Variants in C12orf42 observed in about 807,000 individuals in gnomAD.
C12orf42 encodes the protein uncharacterized protein C12orf42.
Under a neutral mutation model 21.6 loss-of-function variants are expected in C12orf42, and 25 were observed. The observed-to-expected ratio is 1.16, with a 90% CI of 0.84 to 1.62. The LOEUF is 1.62. Ranked by LOEUF, C12orf42 falls within the 40% of genes most tolerant of loss-of-function variation. C12orf42 has a pLI of 0.00. For missense variants in C12orf42, 483 were observed against 459.3 expected (o/e 1.05, Z -0.47); for synonymous variants, 174 against 175.0 (o/e 0.99, Z 0.05).
the C12orf42 span, among the ~76,000 whole-genome samples, chr12:103,224,580 C>T: frequency 3.5e-4 from 53 of 149,598 alleles, no homozygotes; most frequent in African/African-American, 1.3e-3. Context: ...AAGTCTGGGC[C>T]AGGAACAATG....
the C12orf42 span, among the ~76,000 whole-genome samples, chr12:103,156,747 TA>T: frequency 1.3e-5 from 2 of 152,150 alleles, no homozygotes; most frequent in African/African-American, 4.8e-5. Context: ...TTTTCTGTGT[TA>T]GTTTGCTGAG....
chr12:103,065,516 G>C, the C12orf42 span, among the ~76,000 whole-genome samples: 1 of 152,158 alleles, frequency 6.6e-6, no homozygotes, highest in Non-Finnish European at 1.5e-5. Flanking sequence ...GAGAGATCTT[G>C]ATTGCTTTTC....
intron 1 of C12orf42, among the ~76,000 whole-genome samples, chr12:103,495,399 G>C (rs868302349): frequency 4.6e-5 from 7 of 151,884 alleles, no homozygotes; most frequent in Non-Finnish European, 8.8e-5. Flanking sequence ...GCCCCCAACC[G>C]CTCCGCCCGG....
chr12:103,131,180 C>T, the C12orf42 span, among the ~76,000 whole-genome samples: 3 of 152,196 alleles, frequency 2.0e-5, no homozygotes, highest in South Asian at 6.2e-4. Flanking sequence ...CACAGTATTG[C>T]ATCTATTACA....
At chr12:103,221,495 A>G in the C12orf42 span, among the ~76,000 whole-genome samples, 1 of 152,222 alleles carries the variant, frequency 6.6e-6, no homozygotes, top group East Asian at 1.9e-4. Context: ...AATCTTTTTT[A>G]AAAAGCAATT....
chr12:103,121,324 G>T, the C12orf42 span, among the ~76,000 whole-genome samples: 4 of 152,206 alleles, frequency 2.6e-5, no homozygotes, highest in Admixed American at 6.5e-5. Flanking sequence ...GAAGAGACAA[G>T]AGAAGAGCTG....
intron 4 of C12orf42, among the ~76,000 whole-genome samples, chr12:103,311,119 C>T (rs2136643005): frequency 6.6e-6 from 1 of 152,152 alleles, no homozygotes. Flanking sequence ...GACCTGTGCA[C>T]TAAAGATTTC....
chr12:103,122,285 A>G, the C12orf42 span, among the ~76,000 whole-genome samples: 1 of 152,220 alleles, frequency 6.6e-6, no homozygotes, highest in African/African-American at 2.4e-5. Context: ...TTCATGGCCA[A>G]TGCATTTCAG....
chr12:103,559,523 G>C, the C12orf42 span: 1 of 152,138 alleles, frequency 6.6e-6, no homozygotes, highest in Non-Finnish European at 1.5e-5. Flanking sequence ...GCCTAAGGAT[G>C]GTCTCAGGGA....
At chr12:103,479,029 C>A (rs1159494676) in intron 1 of C12orf42, among the ~76,000 whole-genome samples, 1 of 152,070 alleles carries the variant, frequency 6.6e-6, no homozygotes, top group Non-Finnish European at 1.5e-5. Flanking sequence ...TAGTTTACAT[C>A]TCTAAAACAT....
the C12orf42 span, among the ~76,000 whole-genome samples, chr12:103,099,292 C>G: frequency 6.6e-6 from 1 of 152,218 alleles, no homozygotes; most frequent in Non-Finnish European, 1.5e-5. Flanking sequence ...GATTACCTAA[C>G]TGAACAATTA....
At chr12:103,353,289 T>TAA (rs534030710) in intron 4 of C12orf42, among the ~76,000 whole-genome samples, 1 of 127,224 alleles carries the variant, frequency 7.9e-6, no homozygotes, top group African/African-American at 2.9e-5. Context: ...TCCACTGGAT[T>TAA]AAAAAAAAAA....
intron 3 of C12orf42, among the ~76,000 whole-genome samples, chr12:103,385,384 C>A (rs1318808324): frequency 6.6e-6 from 1 of 152,158 alleles, no homozygotes; most frequent in African/African-American, 2.4e-5. Context: ...TCTATTGGCA[C>A]TGCATGTTTA....
At chr12:103,365,615 G>A (rs907452858) in intron 4 of C12orf42, among the ~76,000 whole-genome samples, 11 of 151,892 alleles carry the variant, frequency 7.2e-5, no homozygotes, top group East Asian at 3.9e-4. Flanking sequence ...ACTGATAAAC[G>A]AATTCAACAA....
chr12:103,420,908 A>T (rs1566287200), intron 2 of C12orf42, among the ~76,000 whole-genome samples: 1 of 152,226 alleles, frequency 6.6e-6, no homozygotes, highest in Non-Finnish European at 1.5e-5. Context: ...AAATAGCGTT[A>T]ATTCCACTAT....
At chr12:103,460,329 T>G in intron 2 of C12orf42, among the ~76,000 whole-genome samples, 1 of 151,604 alleles carries the variant, frequency 6.6e-6, no homozygotes, top group East Asian at 1.9e-4. Context: ...CGGGAAAGAT[T>G]ACTATGGGCC....
the C12orf42 span, among the ~76,000 whole-genome samples, chr12:103,195,714 AT>A: frequency 6.6e-6 from 1 of 151,906 alleles, no homozygotes; most frequent in Non-Finnish European, 1.5e-5. Flanking sequence ...GTTTGCAAAT[AT>A]TTTTTCCTAT....
rs116034992 is a variant in C12orf42, at chr12:103,316,980, T to C, written c.260-10635A>G. 3.3e-3 allele frequency among the ~76,000 whole-genome samples: 504 copies of C among 152,264 alleles called. 4 individuals carry two copies. Among genetic ancestry groups the C allele is most frequent in the African/African-American group, 0.012 (480 of 41,534 alleles). On this transcript the variant is annotated intron_variant, in intron 4 of 5. Coordinates refer to ENST00000548883, the MANE Select transcript of C12orf42 (RefSeq NM_198521.5). ...TCTTTCCTCAGAGATTGGTCCACAT[T>C]GCTCAGTTTATCAAAGTCACTCATT...
chr12:103,310,075 G>A (rs1035164401), intron 4 of C12orf42, among the ~76,000 whole-genome samples: 5 of 152,200 alleles, frequency 3.3e-5, no homozygotes, highest in Non-Finnish European at 5.9e-5. Flanking sequence ...CAAATCTCAC[G>A]TTGAATTGCA....
Sources: gnomAD v4.1 joint callset for allele counts (sites outside exome capture counted in the v4.1 genomes callset) on GRCh38, gnomAD v4.1.1 for gene constraint, MANE v1.5 for transcripts, NCBI Gene and HGNC (gene_info 2026-07-23, HGNC 2026-07-21) for gene names.